Variants in GPC5 observed in about 807,000 individuals in gnomAD.
The protein encoded by GPC5 is glypican-5.
Under a neutral mutation model 53.9 loss-of-function variants are expected in GPC5, and 47 were observed. That is an observed-to-expected ratio of 0.87 (90% CI 0.69 to 1.11). GPC5 has a LOEUF of 1.11. Among genes scored for constraint, GPC5 ranks in the 50% most tolerant of loss-of-function variants. GPC5 has a pLI of 0.00. For synonymous variants in GPC5, 286 were observed against 263.3 expected (o/e 1.09, Z -0.84); for missense variants, 748 against 713.1 (o/e 1.05, Z -0.56).
At chr13:92,269,416 T>G (rs1019210184) in intron 7 of GPC5, among the ~76,000 whole-genome samples, 1 of 134,234 alleles carries the variant, frequency 7.4e-6, no homozygotes, top group Non-Finnish European at 1.7e-5. Flanking sequence ...TTTTGTTTTG[T>G]TTTTTTTGAG....
intron 7 of GPC5, among the ~76,000 whole-genome samples, chr13:92,745,579 A>G (rs1185343489): frequency 1.3e-5 from 2 of 152,080 alleles, no homozygotes; most frequent in African/African-American, 2.4e-5. Context: ...GAACAAGCTG[A>G]GTCCTCTGGT....
chr13:92,550,763 G>A (rs141182770), intron 7 of GPC5, among the ~76,000 whole-genome samples: 157 of 151,930 alleles, frequency 1.0e-3, no homozygotes, highest in African/African-American at 3.7e-3. Context: ...ATCAGTATGT[G>A]TATACATCAT....
intron 5 of GPC5, among the ~76,000 whole-genome samples, chr13:91,799,639 T>C (rs868298650): frequency 1.1e-4 from 17 of 152,326 alleles, no homozygotes; most frequent in Non-Finnish European, 2.1e-4. Context: ...GTAGAATCTA[T>C]ATTAATTGTG....
chr13:92,673,871 A>T (rs536774328), intron 7 of GPC5, among the ~76,000 whole-genome samples: 3 of 152,350 alleles, frequency 2.0e-5, no homozygotes, highest in African/African-American at 4.8e-5. Context: ...AATCAAGGCT[A>T]GCTACCTCAT....
At position 92,553,092 on chromosome 13, in the gene GPC5, G is replaced by A. The variant is rs181744997; in HGVS notation, c.1562-313190G>A. On this transcript the variant is annotated intron_variant, in intron 7 of 7. Coordinates refer to ENST00000377067, the MANE Select transcript of GPC5 (RefSeq NM_004466.6). ...CATTTCCACCCATGAGCAACATAAG[G>A]CCAAAATTTGCATAATTGATGTTAC... Among the ~76,000 whole-genome samples the A allele has an allele frequency of 3.4e-4, 52 of 151,916 alleles. No homozygotes were observed. In the East Asian group the frequency reaches 6.8e-3, roughly 20 times the overall value.
At chr13:92,682,087 T>C (rs910215550) in intron 7 of GPC5, among the ~76,000 whole-genome samples, 2 of 152,202 alleles carry the variant, frequency 1.3e-5, no homozygotes, top group African/African-American at 4.8e-5. Context: ...TTTGAATGAA[T>C]GAGTGAATTA....
chr13:92,314,303 T>C (rs1004304337), intron 7 of GPC5, among the ~76,000 whole-genome samples: 3 of 152,190 alleles, frequency 2.0e-5, no homozygotes, highest in African/African-American at 7.2e-5. Flanking sequence ...CTTCAAGTTA[T>C]GTCCCCAACT....
rs373271662 is a variant in GPC5, at chr13:92,713,109, A to G, written c.1562-153173A>G. Among the ~76,000 whole-genome samples the G allele has an allele frequency of 3.3e-5, 5 of 152,290 alleles. No homozygotes were observed. The East Asian group carries it at 7.7e-4, about 24-fold the overall frequency. On this transcript the variant is annotated intron_variant, in intron 7 of 7. Transcript: ENST00000377067. Reference sequence around the variant, plus strand: ...CTTATAAGAAGAAATTAGTAAACACACACTTACACACACATGGAAGACCAT... The same window carrying G: ...CTTATAAGAAGAAATTAGTAAACACGCACTTACACACACATGGAAGACCAT...
At chr13:92,453,785 T>A (rs930705978) in intron 7 of GPC5, among the ~76,000 whole-genome samples, 1 of 152,192 alleles carries the variant, frequency 6.6e-6, no homozygotes, top group Non-Finnish European at 1.5e-5. Context: ...TCTTTCTTCA[T>A]CCAGGCTGTT....
chr13:91,579,612 C>G (rs543267143), intron 2 of GPC5, among the ~76,000 whole-genome samples: 4 of 125,064 alleles, frequency 3.2e-5, no homozygotes, highest in East Asian at 2.5e-4. Context: ...TTCTTTCTTT[C>G]TTTTTCTTTT....
chr13:92,754,848 C>A (rs1165640794), intron 7 of GPC5, among the ~76,000 whole-genome samples: 1 of 144,248 alleles, frequency 6.9e-6, no homozygotes, highest in African/African-American at 2.6e-5. Flanking sequence ...GAGTGACCTA[C>A]AAAGAGACTT....
chr13:91,883,797 A>G (rs2039293230), intron 5 of GPC5, among the ~76,000 whole-genome samples: 1 of 152,050 alleles, frequency 6.6e-6, no homozygotes, highest in East Asian at 1.9e-4. Context: ...TTTTAAATTT[A>G]ACTTTTAAGT....
At chr13:92,314,147 G>A (rs375512410) in intron 7 of GPC5, among the ~76,000 whole-genome samples, 21 of 151,764 alleles carry the variant, frequency 1.4e-4, no homozygotes, top group South Asian at 1.2e-3. Context: ...TATTTTTTTC[G>A]CCCAAACATG....
At chr13:91,878,733 C>CT (rs2039231743) in intron 5 of GPC5, among the ~76,000 whole-genome samples, 2 of 152,102 alleles carry the variant, frequency 1.3e-5, no homozygotes, top group African/African-American at 4.8e-5. Context: ...TTTGCTTCCC[C>CT]TTTCCCCATG....
At chr13:91,830,583 A>G (rs1187971833) in intron 5 of GPC5, among the ~76,000 whole-genome samples, 1 of 151,678 alleles carries the variant, frequency 6.6e-6, no homozygotes, top group Non-Finnish European at 1.5e-5. Context: ...AGGAAATTAT[A>G]AAAGTATTAA....
rs879256282 is a variant in GPC5, at chr13:91,584,583, C to CT, written c.326-108592dup. Among the ~76,000 whole-genome samples, 236 of 146,572 alleles carry CT rather than the reference C, an allele frequency of 1.6e-3. 1 individual carries two copies. Among genetic ancestry groups the CT allele is most frequent in the South Asian group, 2.2e-3 (10 of 4,598 alleles). ...ATTTGGACTATATTAAAACCAAGAA[C>CT]TTTTTTTTTTTTCATACAGAGTTTT... On this transcript the variant is annotated intron_variant, in intron 2 of 7. Transcript: ENST00000377067.
At chr13:92,460,056 G>A (rs140802683) in intron 7 of GPC5, among the ~76,000 whole-genome samples, 1 of 151,302 alleles carries the variant, frequency 6.6e-6, no homozygotes, top group Admixed American at 6.6e-5. Flanking sequence ...GTATTGTTAT[G>A]TAATTATTTA....
intron 7 of GPC5, among the ~76,000 whole-genome samples, chr13:92,553,634 A>G (rs140094601): frequency 2.6e-4 from 39 of 152,096 alleles, no homozygotes; most frequent in African/African-American, 8.9e-4. Context: ...ACAGAGAGGA[A>G]CTGTCTGACA....
intron 2 of GPC5, among the ~76,000 whole-genome samples, chr13:91,495,615 A>C (rs1049770995): frequency 2.6e-5 from 4 of 151,416 alleles, no homozygotes; most frequent in Admixed American, 2.0e-4. Flanking sequence ...AATACTCCCC[A>C]CTCCCCATCA....
Sources: allele counts gnomAD v4.1 joint callset (sites outside exome capture counted in the v4.1 genomes callset), GRCh38; gene constraint gnomAD v4.1.1; transcripts MANE v1.5; gene names NCBI Gene and HGNC (gene_info 2026-07-23, HGNC 2026-07-21).